HIVEP1: variants seen among roughly 807,000 people sequenced by gnomAD.
HIVEP1 encodes zinc finger protein 40.
HIVEP1 carries 36 observed loss-of-function variants against 180.0 expected under a neutral mutation model. The observed-to-expected ratio is 0.20, with a 90% CI of 0.15 to 0.26. The LOEUF (loss-of-function observed/expected upper bound fraction) is 0.26, where lower values mean the gene tolerates loss of function less well. HIVEP1 is among the 10% of genes least tolerant of loss of function. HIVEP1 has a pLI of 1.00. For missense variants in HIVEP1, 3,143 were observed against 3,268.7 expected (o/e 0.96, Z 0.94); for synonymous variants, 1,239 against 1,239.0 (o/e 1.00, Z 0.00).
chr6:12,198,236 C>T, the HIVEP1 span, among the ~76,000 whole-genome samples: 1 of 152,076 alleles, frequency 6.6e-6, no homozygotes, highest in Non-Finnish European at 1.5e-5. Flanking sequence ...GGCTGAAAAC[C>T]AGGGTCTTGA....
At chr6:12,143,288 A>G (rs929178671) in intron 7 of HIVEP1, among the ~76,000 whole-genome samples, 1 of 152,250 alleles carries the variant, frequency 6.6e-6, no homozygotes, top group Non-Finnish European at 1.5e-5. Context: ...CAAAAACCAC[A>G]TGATTATCTC....
At chr6:12,095,445 T>C (rs1773727273) in intron 3 of HIVEP1, among the ~76,000 whole-genome samples, 1 of 151,790 alleles carries the variant, frequency 6.6e-6, no homozygotes, top group African/African-American at 2.4e-5. Flanking sequence ...TTCATTCTTT[T>C]CTATGCTGGT....
upstream of HIVEP1, among the ~76,000 whole-genome samples, chr6:12,010,338 G>T (rs535769405): frequency 3.3e-5 from 5 of 152,120 alleles, no homozygotes; most frequent in Non-Finnish European, 5.9e-5. Flanking sequence ...ATTATTTTTG[G>T]CTACACACTC....
At chr6:12,041,916 C>T (rs1326411431) in intron 2 of HIVEP1, among the ~76,000 whole-genome samples, 3 of 151,856 alleles carry the variant, frequency 2.0e-5, no homozygotes, top group Non-Finnish European at 4.4e-5. Flanking sequence ...GCCTTGGCCT[C>T]CCAAAGTGCT....
chr6:12,009,126 C>T (rs548498605), upstream of HIVEP1, among the ~76,000 whole-genome samples: 2 of 129,498 alleles, frequency 1.5e-5, no homozygotes, highest in Non-Finnish European at 1.8e-5. Context: ...GCGGTGGCGG[C>T]GGCGGCGGCG....
the HIVEP1 span, among the ~76,000 whole-genome samples, chr6:12,177,041 A>T: frequency 6.6e-6 from 1 of 152,194 alleles, no homozygotes; most frequent in Non-Finnish European, 1.5e-5. Flanking sequence ...GAGGCCATTA[A>T]CTTCAGCAAA....
At chr6:12,135,063 G>C (rs1180140608) in intron 6 of HIVEP1, among the ~76,000 whole-genome samples, 1 of 152,162 alleles carries the variant, frequency 6.6e-6, no homozygotes, top group East Asian at 1.9e-4. Flanking sequence ...AGGCCTTATG[G>C]GAATCGAGGC....
rs185384602 is a variant in HIVEP1 at position 12,032,388 on chromosome 6, C to T, written c.40+16720C>T. On this transcript the variant is annotated intron_variant, in intron 2 of 8. Coordinates refer to ENST00000379388, the MANE Select transcript of HIVEP1 (RefSeq NM_002114.4). Reference sequence around the variant, plus strand: ...CGATTTCCTGACCTTGTGATCCGCCCGCCTCAGCCTCCCAAAGTGCTGGGA... The same window carrying T: ...CGATTTCCTGACCTTGTGATCCGCCTGCCTCAGCCTCCCAAAGTGCTGGGA... Among the ~76,000 whole-genome samples the T allele has an allele frequency of 5.7e-4, 87 of 152,150 alleles. 1 individual carries two copies. The highest frequency in any genetic ancestry group is 1.7e-4 in the African/African-American group (7 of 41,526).
chr6:12,142,029 C>T (rs1431502201), intron 7 of HIVEP1, among the ~76,000 whole-genome samples: 1 of 152,192 alleles, frequency 6.6e-6, no homozygotes, highest in African/African-American at 2.4e-5. Flanking sequence ...CTGCACCAAG[C>T]AGACCTAAGA....
chr6:12,096,351 C>T (rs1451097368), intron 3 of HIVEP1, among the ~76,000 whole-genome samples: 2 of 151,788 alleles, frequency 1.3e-5, no homozygotes, highest in Non-Finnish European at 2.9e-5. Context: ...TTAACATAGG[C>T]ATGATTTATG....
chr6:12,008,191 A>G (rs996825017), upstream of HIVEP1: 1 of 152,194 alleles, frequency 6.6e-6, no homozygotes, highest in African/African-American at 2.4e-5. Flanking sequence ...AAGTGTGCGG[A>G]TATTTTGACC....
intron 3 of HIVEP1, among the ~76,000 whole-genome samples, chr6:12,102,118 T>G (rs1470765592): frequency 6.6e-6 from 1 of 151,862 alleles, no homozygotes; most frequent in African/African-American, 2.4e-5. Flanking sequence ...CTGATAAAAA[T>G]GAAGGGAGAA....
the HIVEP1 span, among the ~76,000 whole-genome samples, chr6:12,196,759 C>G: frequency 1.3e-5 from 2 of 152,154 alleles, no homozygotes; most frequent in African/African-American, 4.8e-5. Context: ...AATCCTCTTC[C>G]TAGGCTCTCA....
chr6:12,137,612 G>GTT (rs67584103), intron 7 of HIVEP1, among the ~76,000 whole-genome samples: 268 of 149,070 alleles, frequency 1.8e-3, no homozygotes, highest in Middle Eastern at 3.4e-3. Flanking sequence ...TGTGCTCAAA[G>GTT]TTTTTTTTTT....
chr6:12,087,966 A>G (rs1230636446), intron 2 of HIVEP1, among the ~76,000 whole-genome samples: 2 of 152,188 alleles, frequency 1.3e-5, no homozygotes, highest in Non-Finnish European at 2.9e-5. Flanking sequence ...GTAATGTCCT[A>G]TATTTCAAAC....
At chr6:12,126,440 G>A (rs1406218329) in intron 4 of HIVEP1, among the ~76,000 whole-genome samples, 1 of 152,178 alleles carries the variant, frequency 6.6e-6, no homozygotes, top group Non-Finnish European at 1.5e-5. Context: ...CATATACTTG[G>A]TAAGTTGATT....
At chr6:12,148,798 T>C (rs1759521292) in intron 7 of HIVEP1, among the ~76,000 whole-genome samples, 1 of 152,166 alleles carries the variant, frequency 6.6e-6, no homozygotes, top group Non-Finnish European at 1.5e-5. Context: ...TCATTATGTC[T>C]TCACACCTGC....
In HIVEP1 at chr6:12,121,682, T is replaced by G. The variant is rs755535486; in HGVS notation, c.1887T>G (p.Asn629Lys). ...NENSHQKGDM[N>K]PLEGKQDSHV... is the part of the protein sequence containing the mutation. ...ATTCCCACCAGAAAGGCGACATGAATCCACTGGAAGGAAAGCAAGACTCTC... is the reference window on the plus strand; with the variant it reads ...ATTCCCACCAGAAAGGCGACATGAAGCCACTGGAAGGAAAGCAAGACTCTC... The change falls in exon 4 of 9, where the codon AAT (asparagine) becomes AAG (lysine). Residue 629 changes from asparagine to lysine, a missense_variant. Asn to Lys is a moderately conservative substitution (Grantham distance 94). Around this residue, in one of 12 missense-constraint regions of HIVEP1, gnomAD observed 365 missense variants for 344.4 expected, o/e 1.06. Coordinates refer to ENST00000379388, the MANE Select transcript of HIVEP1 (RefSeq NM_002114.4). This position sits in a 1 kb window ranked among gnomAD's most constrained non-coding sequence, Gnocchi z 5.3. 1 of 1,614,104 alleles carries G rather than the reference T, an allele frequency of 6.2e-7. No homozygotes were observed. Among genetic ancestry groups the G allele is most frequent in the Non-Finnish European group, 8.5e-7 (1 of 1,180,010 alleles).
chr6:12,071,437 T>C (rs905290948), intron 2 of HIVEP1, among the ~76,000 whole-genome samples: 26 of 152,376 alleles, frequency 1.7e-4, no homozygotes, highest in African/African-American at 6.3e-4. Flanking sequence ...ACTCACACCA[T>C]TGTTCCCCAA....
Sources: allele counts gnomAD v4.1 joint callset (sites outside exome capture counted in the v4.1 genomes callset), GRCh38; gene constraint gnomAD v4.1.1; regional missense constraint gnomAD v4.1.1; non-coding constraint Gnocchi (gnomAD v3.1); transcripts MANE v1.5; gene names NCBI Gene and HGNC (gene_info 2026-07-23, HGNC 2026-07-21).